The following FBN1 variants were observed in gnomAD, a reference collection of about 807,000 sequenced individuals.
FBN1 encodes the protein fibrillin-1.
A neutral mutation model predicts 365.1 loss-of-function variants in FBN1; 29 were observed. The observed-to-expected ratio is 0.08, with a 90% CI of 0.06 to 0.11. The LOEUF (loss-of-function observed/expected upper bound fraction) is 0.11. Ranked by LOEUF, FBN1 falls within the 10% of genes least tolerant of loss-of-function variation. The pLI is 1.00. For missense variants in FBN1, 2,476 were observed against 3,703.2 expected, an observed-to-expected ratio of 0.67 and a Z score of 8.60; for synonymous variants, 1,210 against 1,270.5, an observed-to-expected ratio of 0.95 and a Z score of 1.01.
chr15:48,531,904 T>A (rs2043976464), intron 8 of FBN1, among the ~76,000 whole-genome samples: 1 of 152,108 alleles, frequency 6.6e-6, no homozygotes, highest in Non-Finnish European at 1.5e-5. Flanking sequence ...ATTATCTAAA[T>A]TAATGTAATA....
chr15:48,620,845 G>A (rs1379950610), intron 2 of FBN1, among the ~76,000 whole-genome samples: 2 of 152,064 alleles, frequency 1.3e-5, no homozygotes, highest in Non-Finnish European at 2.9e-5. Flanking sequence ...TTCAATAAAA[G>A]GAATCAGGGC....
intron 2 of FBN1, among the ~76,000 whole-genome samples, chr15:48,639,471 A>G (rs1890160735): frequency 6.6e-6 from 1 of 152,084 alleles, no homozygotes; most frequent in Admixed American, 6.5e-5. Flanking sequence ...CCTTCTGTGC[A>G]CTCACGGTTC....
chr15:48,482,123 T>G (rs1190380602), intron 31 of FBN1, among the ~76,000 whole-genome samples: 2 of 152,204 alleles, frequency 1.3e-5, no homozygotes. Flanking sequence ...TCAGTCTGCA[T>G]GATGATAACA....
In FBN1 at chr15:48,448,790, A is replaced by G. The variant is rs1192296578; in HGVS notation, c.5649T>C (p.Asn1883=). The G allele has an allele frequency of 1.2e-5, 20 of 1,612,902 alleles. No homozygotes were observed. Among genetic ancestry groups the G allele is most frequent in the Non-Finnish European group, 1.5e-5 (18 of 1,179,280 alleles). ...YCLCHTGFKT[N]DDQTMCLDIN... ...TACCCAAGCACATGGTTTGGTCATCATTTGTTTTAAAACCAGTGTGGCAAA... is the reference window on the plus strand; with the variant it reads ...TACCCAAGCACATGGTTTGGTCATCGTTTGTTTTAAAACCAGTGTGGCAAA... The change falls in exon 46 of 66, where the codon AAT becomes AAC. Residue 1883 remains asparagine, a synonymous_variant. Coordinates refer to ENST00000316623, the MANE Select transcript of FBN1 (RefSeq NM_000138.5).
At chr15:48,424,782 CA>C (rs1250758897) in intron 60 of FBN1, among the ~76,000 whole-genome samples, 1 of 151,952 alleles carries the variant, frequency 6.6e-6, no homozygotes, top group Non-Finnish European at 1.5e-5. Flanking sequence ...AAAATTAAAC[CA>C]AAAAAATTTT....
At chr15:48,609,216 T>C (rs1240266508) in intron 4 of FBN1, among the ~76,000 whole-genome samples, 1 of 152,210 alleles carries the variant, frequency 6.6e-6, no homozygotes, top group Non-Finnish European at 1.5e-5. Context: ...ATGAACCTGC[T>C]ATTACTCGGA....
At chr15:48,568,459 T>A (rs1376850144) in intron 6 of FBN1, among the ~76,000 whole-genome samples, 2 of 152,224 alleles carry the variant, frequency 1.3e-5, no homozygotes, top group East Asian at 3.9e-4. Context: ...TTAAAGGTAA[T>A]CTTTATCAAA....
At chr15:48,575,052 T>G (rs370944657) in intron 6 of FBN1, among the ~76,000 whole-genome samples, 1 of 152,216 alleles carries the variant, frequency 6.6e-6, no homozygotes, top group Non-Finnish European at 1.5e-5. Context: ...AAGGGAACAT[T>G]TGCAGATTAG....
rs772795413 is a variant in FBN1 at position 48,412,654 on chromosome 15, G to C, written c.8141C>G (p.Ala2714Gly). The C allele has an allele frequency of 3.7e-6, 6 of 1,614,242 alleles. No individual in the cohort carries two copies. Among genetic ancestry groups the C allele is most frequent in the Non-Finnish European group, 5.1e-6 (6 of 1,180,032 alleles). The change falls in exon 65 of 66, where the codon GCT (alanine) becomes GGT (glycine). Residue 2714 changes from alanine to glycine, a missense_variant. Physicochemically the swap from Ala to Gly is moderately conservative, Grantham distance 60. Transcript: ENST00000316623. ...EMDDNSLSPEACYECKINGYP... is the reference protein window; with the variant it reads ...EMDDNSLSPEGCYECKINGYP... ...GCCATTGATCTTACACTCGTAACAA[G>C]CCTCTGGGGAGAGTGAATTGTCATC...
At chr15:48,634,326 G>T (rs763742148) in intron 2 of FBN1, among the ~76,000 whole-genome samples, 1 of 152,094 alleles carries the variant, frequency 6.6e-6, no homozygotes, top group Non-Finnish European at 1.5e-5. Context: ...ATCTTTTCTG[G>T]CATCCAAGTG....
intron 6 of FBN1, among the ~76,000 whole-genome samples, chr15:48,578,070 G>C (rs1039212867): frequency 3.3e-5 from 5 of 152,176 alleles, no homozygotes; most frequent in African/African-American, 9.7e-5. Context: ...ATTGGCATAT[G>C]TATTTTTGGA....
intron 35 of FBN1, among the ~76,000 whole-genome samples, chr15:48,471,872 A>T (rs1371164320): frequency 1.3e-5 from 2 of 152,224 alleles, no homozygotes; most frequent in Non-Finnish European, 2.9e-5. Flanking sequence ...GTGTTCCCTA[A>T]TGGGATCCAG....
chr15:48,638,860 T>A lies in FBN1; in HGVS notation c.164+5746A>T, dbSNP rs149030951. Among the ~76,000 whole-genome samples the A allele has an allele frequency of 4.8e-3, 738 of 152,238 alleles. 10 individuals are homozygous for A. Among genetic ancestry groups the A allele is most frequent in the African/African-American group, 0.017 (719 of 41,530 alleles). ...TCTGAACAACATAAACAGCAATGCC[T>A]CCAGCTCAGAAGCCCACACAACGCC... is the stretch of plus-strand genomic sequence containing the variant. On this transcript the variant is annotated intron_variant, in intron 2 of 65. Transcript: ENST00000316623.
At chr15:48,635,678 A>C (rs1890079509) in intron 2 of FBN1, among the ~76,000 whole-genome samples, 1 of 152,234 alleles carries the variant, frequency 6.6e-6, no homozygotes, top group Non-Finnish European at 1.5e-5. Flanking sequence ...TTTCATGTAT[A>C]ATCTTAAAAG....
chr15:48,521,379 T>C (rs2043853577), intron 9 of FBN1, among the ~76,000 whole-genome samples: 2 of 152,228 alleles, frequency 1.3e-5, no homozygotes, highest in South Asian at 4.1e-4. Flanking sequence ...CCAATGCTTA[T>C]TAATCAAGAT....
At chr15:48,560,476 G>A (rs540531316) in intron 6 of FBN1, among the ~76,000 whole-genome samples, 117 of 152,286 alleles carry the variant, frequency 7.7e-4, no homozygotes, top group African/African-American at 2.7e-3. Flanking sequence ...TATCATTTAG[G>A]AGAGGATGAG....
intron 63 of FBN1, among the ~76,000 whole-genome samples, chr15:48,420,094 T>C (rs1236235016): frequency 1.3e-5 from 2 of 152,196 alleles, no homozygotes; most frequent in Non-Finnish European, 2.9e-5. Context: ...TTAAGAGTTA[T>C]TTTCCCATGA....
At chr15:48,544,425 T>A (rs1206290679) in intron 6 of FBN1, among the ~76,000 whole-genome samples, 1 of 152,220 alleles carries the variant, frequency 6.6e-6, no homozygotes, top group Non-Finnish European at 1.5e-5. Flanking sequence ...AAAAGCACTT[T>A]AGAAATAAAC....
rs577481829 is a variant in FBN1 at position 48,525,032 on chromosome 15, G to C, written c.988+1098C>G. Among the ~76,000 whole-genome samples the C allele has an allele frequency of 1.3e-4, 20 of 151,972 alleles. 1 individual carries two copies. The South Asian group carries it at 2.7e-3, about 21-fold the overall frequency. ...ACTTTGGAACTTGAATTTTAATCTA[G>C]AACACTGCACTTTTAAAGAAGTCTT... On this transcript the variant is annotated intron_variant, in intron 9 of 65. Coordinates refer to ENST00000316623, the MANE Select transcript of FBN1 (RefSeq NM_000138.5).
Sources: gnomAD v4.1 joint callset for allele counts (sites outside exome capture counted in the v4.1 genomes callset) on GRCh38, gnomAD v4.1.1 for gene constraint, MANE v1.5 for transcripts, NCBI Gene and HGNC (gene_info 2026-07-23, HGNC 2026-07-21) for gene names.